Variants in ANTXR1 observed in about 807,000 individuals in gnomAD.
ANTXR1 encodes ANTXR cell adhesion molecule 1, also known as anthrax toxin receptor 1.
ANTXR1 carries 19 observed loss-of-function variants against 78.1 expected under a neutral mutation model. The observed-to-expected ratio is 0.24, with a 90% CI of 0.17 to 0.36. The LOEUF (loss-of-function observed/expected upper bound fraction) is 0.36, where lower values mean the gene tolerates loss of function less well. Ranked by LOEUF, ANTXR1 falls within the 10% of genes least tolerant of loss-of-function variation. The pLI is 1.00. For missense variants in ANTXR1, 518 were observed against 718.6 expected (o/e 0.72, Z 3.19); for synonymous variants, 273 against 260.5 (o/e 1.05, Z -0.46).
chr2:69,107,338 C>T (rs113125340), intron 10 of ANTXR1, among the ~76,000 whole-genome samples: 2,085 of 152,238 alleles, frequency 0.014, 50 homozygotes, highest in African/African-American at 0.045. Context: ...CTCCCAGGCT[C>T]AAGCGATCCT....
Position 69,060,849 on chromosome 2 carries a change from A to G in ANTXR1, c.297-9798A>G, listed in dbSNP as rs146670486. Reference sequence around the variant, plus strand: ...GATTTTTAAATTAAAATAAATAAAAATATTTTGATAAGTTAAGATGTTTTC... The same window carrying G: ...GATTTTTAAATTAAAATAAATAAAAGTATTTTGATAAGTTAAGATGTTTTC... On this transcript the variant is annotated intron_variant, in intron 3 of 17. Coordinates refer to ENST00000303714, the MANE Select transcript of ANTXR1 (RefSeq NM_032208.3). Among the ~76,000 whole-genome samples the G allele has an allele frequency of 2.2e-3, 332 of 152,314 alleles. 3 individuals are homozygous for G. Among genetic ancestry groups the G allele is most frequent in the African/African-American group, 7.6e-3 (314 of 41,586 alleles).
At chr2:69,151,738 A>G (rs1179216907) in intron 12 of ANTXR1, among the ~76,000 whole-genome samples, 1 of 152,088 alleles carries the variant, frequency 6.6e-6, no homozygotes, top group Non-Finnish European at 1.5e-5. Flanking sequence ...CACCTGTGTG[A>G]ATGGGTTCAG....
chr2:69,173,029 A>G (rs1178663132), intron 14 of ANTXR1, among the ~76,000 whole-genome samples: 1 of 152,138 alleles, frequency 6.6e-6, no homozygotes, highest in African/African-American at 2.4e-5. Context: ...CCTTCCATGG[A>G]TTTTATGACC....
At chr2:69,134,921 A>G (rs1179247679) in intron 12 of ANTXR1, 2 of 295,298 alleles carry the variant, frequency 6.8e-6, no homozygotes, top group African/African-American at 2.2e-5. Flanking sequence ...AGAGCCATAC[A>G]TAACTCAAGG....
intron 1 of ANTXR1, among the ~76,000 whole-genome samples, chr2:69,019,845 G>C (rs554803073): frequency 6.6e-6 from 1 of 152,176 alleles, no homozygotes; most frequent in African/African-American, 2.4e-5. Flanking sequence ...TTGGTTTTCT[G>C]TTTGTGCATT....
Position 69,166,199 on chromosome 2 carries a change from A to G in ANTXR1, c.1048-4049A>G, listed in dbSNP as rs571401874. 3.3e-5 allele frequency among the ~76,000 whole-genome samples: 5 copies of G among 152,348 alleles called. No individual in the cohort carries two copies. The East Asian group carries it at 9.6e-4, about 29-fold the overall frequency. ...TTGTCAGTAACATTTCAATTTGATC[A>G]GATTCTACCTGGTCTTTTCTGACTT... is the stretch of plus-strand genomic sequence containing the variant. On this transcript the variant is annotated intron_variant, in intron 13 of 17. Coordinates refer to ENST00000303714, the MANE Select transcript of ANTXR1 (RefSeq NM_032208.3).
chr2:69,183,988 C>T (rs181932184), intron 16 of ANTXR1, among the ~76,000 whole-genome samples: 15 of 152,072 alleles, frequency 9.9e-5, no homozygotes, highest in Non-Finnish European at 1.8e-4. Context: ...CAAACAGAAC[C>T]GAACCAACTC....
At chr2:69,229,317 A>G (rs1017878788) in intron 17 of ANTXR1, among the ~76,000 whole-genome samples, 1 of 152,260 alleles carries the variant, frequency 6.6e-6, no homozygotes, top group Non-Finnish European at 1.5e-5. Context: ...CTACTGGCAT[A>G]GGAAAAGAAC....
chr2:69,058,230 T>C (rs1278476424), intron 3 of ANTXR1, among the ~76,000 whole-genome samples: 1 of 152,234 alleles, frequency 6.6e-6, no homozygotes, highest in East Asian at 1.9e-4. Flanking sequence ...TCAGTGGAGA[T>C]GAAACAGCCT....
At chr2:69,014,625 TA>T (rs1396666409) in intron 1 of ANTXR1, among the ~76,000 whole-genome samples, 1 of 152,156 alleles carries the variant, frequency 6.6e-6, no homozygotes, top group Non-Finnish European at 1.5e-5. Context: ...GCTTCAACGA[TA>T]AAAAGCCCCT....
At chr2:69,235,025 T>A (rs1675719307) in intron 17 of ANTXR1, among the ~76,000 whole-genome samples, 1 of 136,418 alleles carries the variant, frequency 7.3e-6, no homozygotes, top group Admixed American at 8.5e-5. Context: ...AGCTTTTTTT[T>A]TTTTTTTTTT....
intron 3 of ANTXR1, among the ~76,000 whole-genome samples, chr2:69,065,797 A>C (rs1670382104): frequency 6.6e-6 from 1 of 152,196 alleles, no homozygotes; most frequent in Admixed American, 6.5e-5. Flanking sequence ...ATAACAGCAA[A>C]ATGTCTTTAA....
chr2:69,182,942 G>A, intron 16 of ANTXR1: 1 of 435,044 alleles, frequency 2.3e-6, no homozygotes, highest in Non-Finnish European at 4.1e-6. Context: ...ATGACCCCTG[G>A]GCAAGGATGA....
intron 13 of ANTXR1, among the ~76,000 whole-genome samples, chr2:69,158,124 A>G (rs1387762569): frequency 1.3e-5 from 2 of 152,174 alleles, no homozygotes; most frequent in African/African-American, 4.8e-5. Context: ...GTTGGAAGCC[A>G]AGGCTGTAGG....
intron 10 of ANTXR1, among the ~76,000 whole-genome samples, chr2:69,104,042 G>A (rs539018948): frequency 1.3e-5 from 2 of 151,184 alleles, no homozygotes; most frequent in Admixed American, 6.6e-5. Flanking sequence ...AAGTTGAAGC[G>A]ATTCTCCTGC....
intron 9 of ANTXR1, among the ~76,000 whole-genome samples, chr2:69,102,628 A>T (rs1449615583): frequency 6.6e-6 from 1 of 152,244 alleles, no homozygotes; most frequent in Non-Finnish European, 1.5e-5. Flanking sequence ...GGGAATTCAA[A>T]TAAGAAGTGA....
intron 1 of ANTXR1, among the ~76,000 whole-genome samples, chr2:69,017,399 T>G (rs1437765553): frequency 6.6e-6 from 1 of 152,214 alleles, no homozygotes; most frequent in Non-Finnish European, 1.5e-5. Flanking sequence ...CATAGGGGAC[T>G]GAATCCACCA....
chr2:69,148,801 C>A (rs998855249), intron 12 of ANTXR1, among the ~76,000 whole-genome samples: 1 of 152,170 alleles, frequency 6.6e-6, no homozygotes, highest in African/African-American at 2.4e-5. Context: ...GGATATACAG[C>A]TGTTGAGTAA....
intron 3 of ANTXR1, among the ~76,000 whole-genome samples, chr2:69,066,215 T>A (rs1670392848): frequency 6.6e-6 from 1 of 152,214 alleles, no homozygotes; most frequent in African/African-American, 2.4e-5. Flanking sequence ...AGTGGAAACC[T>A]CAGTAGAATA....
Sources: gnomAD v4.1 joint callset for allele counts (sites outside exome capture counted in the v4.1 genomes callset) on GRCh38, gnomAD v4.1.1 for gene constraint, MANE v1.5 for transcripts, NCBI Gene and HGNC (gene_info 2026-07-23, HGNC 2026-07-21) for gene names.